Variants in OSBPL10 observed in about 807,000 individuals in gnomAD.
OSBPL10 encodes oxysterol binding protein like 10, also known as oxysterol-binding protein-related protein 10.
Under a neutral mutation model 81.7 loss-of-function variants are expected in OSBPL10, and 49 were observed. That is an observed-to-expected ratio of 0.60 (90% CI 0.48 to 0.76). The LOEUF is 0.76. OSBPL10 is among the 30% of genes least tolerant of loss of function. The pLI, the probability that OSBPL10 is intolerant of heterozygous loss-of-function variation, is 0.00. For missense variants in OSBPL10, 923 were observed against 987.8 expected (o/e 0.93, Z 0.88); for synonymous variants, 419 against 383.6 (o/e 1.09, Z -1.08).
intron 3 of OSBPL10, among the ~76,000 whole-genome samples, chr3:31,832,998 G>C (rs1213806678): frequency 6.6e-6 from 1 of 152,214 alleles, no homozygotes; most frequent in Non-Finnish European, 1.5e-5. Flanking sequence ...AGATTGTAAA[G>C]ATTCTCTGGA....
Position 31,806,913 on chromosome 3 carries a change from C to T in OSBPL10, c.729+23127G>A, listed in dbSNP as rs138838112. On this transcript the variant is annotated intron_variant, in intron 4 of 11. Coordinates refer to ENST00000396556, the MANE Select transcript of OSBPL10 (RefSeq NM_017784.5). ...TCCTATCCAGCCTGGGGAACTAGAA[C>T]CCAGGAAACAGGGGTCTGGGAGGGA... Among the ~76,000 whole-genome samples, 1,101 of 151,958 alleles carry T rather than the reference C, an allele frequency of 7.2e-3. 18 individuals are homozygous for T. The highest frequency in any genetic ancestry group is 0.021 in the Middle Eastern group (6 of 292).
intron 1 of OSBPL10, among the ~76,000 whole-genome samples, chr3:32,070,815 C>A (rs568344972): frequency 6.6e-6 from 1 of 152,250 alleles, no homozygotes; most frequent in East Asian, 1.9e-4. Flanking sequence ...ACTCACTATT[C>A]CGTTCTTGAT....
chr3:32,011,155 C>T (rs892167413), intron 2 of OSBPL10, among the ~76,000 whole-genome samples: 14 of 152,214 alleles, frequency 9.2e-5, no homozygotes, highest in African/African-American at 3.4e-4. Context: ...CAAGTGGGTC[C>T]CTGACCCCCG....
At chr3:31,808,405 A>C (rs1339197149) in intron 4 of OSBPL10, among the ~76,000 whole-genome samples, 1 of 152,254 alleles carries the variant, frequency 6.6e-6, no homozygotes, top group Non-Finnish European at 1.5e-5. Context: ...CCTTGGCAAC[A>C]GTATCTCTAT....
At chr3:31,868,694 C>A (rs1446978301) in intron 3 of OSBPL10, among the ~76,000 whole-genome samples, 4 of 152,008 alleles carry the variant, frequency 2.6e-5, no homozygotes, top group Non-Finnish European at 4.4e-5. Context: ...CAAGTTTGAC[C>A]CTTAAAATTT....
At chr3:31,820,788 GGT>G (rs1699965293) in intron 4 of OSBPL10, among the ~76,000 whole-genome samples, 1 of 152,084 alleles carries the variant, frequency 6.6e-6, no homozygotes, top group East Asian at 1.9e-4. Flanking sequence ...CTAAGGAGAT[GGT>G]GCAAGGTGAG....
chr3:32,004,643 G>A (rs1699185417), intron 2 of OSBPL10, among the ~76,000 whole-genome samples: 1 of 152,116 alleles, frequency 6.6e-6, no homozygotes, highest in South Asian at 2.1e-4. Flanking sequence ...AAAATGTTCT[G>A]AGTTTTCTTT....
chr3:31,837,520 AAGTTTT>A (rs1482998249), intron 3 of OSBPL10, among the ~76,000 whole-genome samples: 1 of 151,518 alleles, frequency 6.6e-6, no homozygotes, highest in Non-Finnish European at 1.5e-5. Flanking sequence ...AGTCATATTT[AAGTTTT>A]AACAAATTAG....
chr3:31,780,647 A>G (rs905242728), intron 4 of OSBPL10, among the ~76,000 whole-genome samples: 1 of 152,182 alleles, frequency 6.6e-6, no homozygotes, highest in African/African-American at 2.4e-5. Flanking sequence ...ATACCACAGA[A>G]ATGCAAAAGA....
chr3:31,718,545 C>G (rs1696527070), intron 6 of OSBPL10, among the ~76,000 whole-genome samples: 1 of 152,174 alleles, frequency 6.6e-6, no homozygotes, highest in South Asian at 2.1e-4. Context: ...TACTCCTGAA[C>G]ACATCTTCAT....
At chr3:32,055,220 T>C (rs1485153794) in intron 1 of OSBPL10, among the ~76,000 whole-genome samples, 2 of 140,864 alleles carry the variant, frequency 1.4e-5, no homozygotes, top group African/African-American at 2.7e-5. Context: ...TTTTTTTTTT[T>C]TGAGACGGAG....
At chr3:31,751,739 C>T (rs1163964731) in intron 4 of OSBPL10, among the ~76,000 whole-genome samples, 3 of 152,226 alleles carry the variant, frequency 2.0e-5, no homozygotes, top group South Asian at 4.1e-4. Context: ...ACACAGTAGA[C>T]ACCTCCTAAA....
intron 4 of OSBPL10, among the ~76,000 whole-genome samples, chr3:31,784,353 G>C (rs1206134178): frequency 6.6e-6 from 1 of 150,690 alleles, no homozygotes; most frequent in Non-Finnish European, 1.5e-5. Context: ...ACAGAGATGG[G>C]AAAGGAAAGG....
rs1449943836 is a variant in OSBPL10, at chr3:31,661,390, A to G, written c.*682T>C. The stretch of plus-strand genomic sequence containing the variant: ...GCTGTGACCATGAGAGACGGGTGGA[A>G]AACTCCTTGGTGGGCCTTGGCTCTT... On this transcript the variant is annotated 3_prime_UTR_variant, in exon 12 of 12. Coordinates refer to ENST00000396556, the MANE Select transcript of OSBPL10 (RefSeq NM_017784.5). 6.6e-6 allele frequency: 1 copy of G among 152,252 alleles called. No homozygotes were observed. The highest frequency in any genetic ancestry group is 1.5e-5 in the Non-Finnish European group (1 of 68,062). The allele number at this position is 152,252 out of a possible 1,614,324, so 9.4% of individuals were successfully genotyped here.
chr3:31,768,749 C>G (rs1279124527), intron 4 of OSBPL10, among the ~76,000 whole-genome samples: 1 of 152,198 alleles, frequency 6.6e-6, no homozygotes, highest in African/African-American at 2.4e-5. Flanking sequence ...AACCTACATA[C>G]ACCTCTAAAC....
At chr3:31,675,107 T>C (rs1216241290) in intron 8 of OSBPL10, among the ~76,000 whole-genome samples, 1 of 152,206 alleles carries the variant, frequency 6.6e-6, no homozygotes, top group African/African-American at 2.4e-5. Context: ...CCTGGCACCA[T>C]AACCTTGCCC....
chr3:31,869,153 G>A (rs563711961), intron 3 of OSBPL10, among the ~76,000 whole-genome samples: 1 of 152,280 alleles, frequency 6.6e-6, no homozygotes, highest in Admixed American at 6.5e-5. Flanking sequence ...TCACTCTCTT[G>A]CTTGAGCTAT....
chr3:31,994,921 G>A (rs185380789), intron 2 of OSBPL10, among the ~76,000 whole-genome samples: 121 of 152,262 alleles, frequency 7.9e-4, no homozygotes, highest in African/African-American at 2.6e-3. Context: ...TTACAGCTGG[G>A]CTGCCAGGGG....
chr3:31,897,017 T>A (rs1285218855), intron 1 of OSBPL10, among the ~76,000 whole-genome samples: 1 of 151,918 alleles, frequency 6.6e-6, no homozygotes, highest in African/African-American at 2.4e-5. Context: ...CACAAAGCAC[T>A]AAAAGGTCCA....
Sources: gnomAD v4.1 joint callset for allele counts (sites outside exome capture counted in the v4.1 genomes callset) on GRCh38, gnomAD v4.1.1 for gene constraint, MANE v1.5 for transcripts, NCBI Gene and HGNC (gene_info 2026-07-23, HGNC 2026-07-21) for gene names.